CA10: variants seen among roughly 807,000 people sequenced by gnomAD.
CA10 encodes carbonic anhydrase 10 (inactive).
Under a neutral mutation model 44.2 loss-of-function variants are expected in CA10, and 14 were observed. The observed-to-expected ratio is 0.32, with a 90% CI of 0.21 to 0.50. The LOEUF (loss-of-function observed/expected upper bound fraction) is 0.50. Ranked by LOEUF, CA10 falls within the 20% of genes least tolerant of loss-of-function variation. The pLI, the probability that CA10 is intolerant of heterozygous loss-of-function variation, is 0.99. For missense variants in CA10, 350 were observed against 409.7 expected (o/e 0.85, Z 1.26); for synonymous variants, 159 against 141.6 (o/e 1.12, Z -0.87).
chr17:51,785,191 G>A (rs1906219281), intron 3 of CA10, among the ~76,000 whole-genome samples: 1 of 152,116 alleles, frequency 6.6e-6, no homozygotes, highest in African/African-American at 2.4e-5. Context: ...GGACACTTAG[G>A]TTGCTTCCAA....
At chr17:51,697,129 C>T (rs954949216) in intron 4 of CA10, among the ~76,000 whole-genome samples, 4 of 151,246 alleles carry the variant, frequency 2.6e-5, no homozygotes, top group African/African-American at 9.7e-5. Flanking sequence ...TGTACTAGTA[C>T]CATCACCTAT....
intron 1 of CA10, among the ~76,000 whole-genome samples, chr17:52,093,336 C>G (rs1239517314): frequency 6.6e-6 from 1 of 152,110 alleles, no homozygotes; most frequent in African/African-American, 2.4e-5. Flanking sequence ...AAAGTGCCCC[C>G]TATAAATGCA....
chr17:51,986,962 C>T (rs1460110784), intron 2 of CA10, among the ~76,000 whole-genome samples: 1 of 152,004 alleles, frequency 6.6e-6, no homozygotes, highest in Non-Finnish European at 1.5e-5. Context: ...CCTTAAAGAA[C>T]TAAAAATAGA....
chr17:51,701,855 T>G (rs1421018306), intron 4 of CA10, among the ~76,000 whole-genome samples: 1 of 152,114 alleles, frequency 6.6e-6, no homozygotes, highest in Non-Finnish European at 1.5e-5. Context: ...AGAGACAGAG[T>G]TCTGAGACAC....
At chr17:51,800,426 C>T (rs948586660) in intron 3 of CA10, among the ~76,000 whole-genome samples, 6 of 151,924 alleles carry the variant, frequency 3.9e-5, no homozygotes, top group Non-Finnish European at 5.9e-5. Context: ...GTGGTGGTTG[C>T]ACAACTCTGT....
Position 51,747,738 on chromosome 17 carries a change from C to T in CA10, c.360G>A (p.Gly120=). 1 of 1,614,110 alleles carries T rather than the reference C, an allele frequency of 6.2e-7. No homozygotes were observed. Among genetic ancestry groups the T allele is most frequent in the East Asian group, 2.2e-5 (1 of 44,874 alleles). The change falls in exon 4 of 9, where the codon GGG becomes GGA. Residue 120 remains glycine (G), a synonymous_variant. Transcript: ENST00000451037. ...CCAGCCGGTGGCTGTATGTCATGGG[C>T]CCTCCAGATATGTTGACCAAGTGCT... ...DKEHLVNISG[G]PMTYSHRLEE...
intron 3 of CA10, among the ~76,000 whole-genome samples, chr17:51,895,658 C>A (rs1483829193): frequency 6.6e-6 from 1 of 151,960 alleles, no homozygotes; most frequent in Non-Finnish European, 1.5e-5. Context: ...AAAAAATTAA[C>A]AATCTGGAAC....
At chr17:52,132,368 G>C (rs1391247536) in intron 1 of CA10, among the ~76,000 whole-genome samples, 1 of 152,012 alleles carries the variant, frequency 6.6e-6, no homozygotes, top group Non-Finnish European at 1.5e-5. Context: ...AGCACATGGG[G>C]GGCTAAGAAA....
chr17:52,133,601 G>A (rs535071493), intron 1 of CA10, among the ~76,000 whole-genome samples: 4 of 151,826 alleles, frequency 2.6e-5, no homozygotes, highest in Non-Finnish European at 4.4e-5. Flanking sequence ...CCATTTTTCC[G>A]ACTGCTCTAT....
At chr17:51,701,191 T>C (rs1381515658) in intron 4 of CA10, among the ~76,000 whole-genome samples, 1 of 152,158 alleles carries the variant, frequency 6.6e-6, no homozygotes, top group Non-Finnish European at 1.5e-5. Flanking sequence ...CCCAGGTTCT[T>C]GTGGTTGCTG....
chr17:51,897,693 T>A (rs1271821958), intron 3 of CA10, among the ~76,000 whole-genome samples: 1 of 152,162 alleles, frequency 6.6e-6, no homozygotes, highest in African/African-American at 2.4e-5. Flanking sequence ...CATCTATACA[T>A]GAGCATATAA....
intron 1 of CA10, among the ~76,000 whole-genome samples, chr17:52,154,516 C>G (rs757610210): frequency 3.3e-5 from 5 of 152,194 alleles, no homozygotes; most frequent in African/African-American, 1.2e-4. Context: ...TTTCTCTCCT[C>G]GTGCTGCTAA....
intron 2 of CA10, among the ~76,000 whole-genome samples, chr17:52,068,052 A>G (rs1253218562): frequency 6.6e-6 from 1 of 152,194 alleles, no homozygotes; most frequent in Non-Finnish European, 1.5e-5. Context: ...TTGAAATGTC[A>G]GAGACATGAG....
At chr17:51,865,602 T>C (rs1391467796) in intron 3 of CA10, among the ~76,000 whole-genome samples, 6 of 152,154 alleles carry the variant, frequency 3.9e-5, no homozygotes, top group Non-Finnish European at 8.8e-5. Context: ...CCAGACAATA[T>C]AATGTGTGTT....
chr17:51,854,102 G>A (rs976987598), intron 3 of CA10, among the ~76,000 whole-genome samples: 1 of 152,184 alleles, frequency 6.6e-6, no homozygotes. Flanking sequence ...GGCCACGGAT[G>A]AGAGGCACCT....
At chr17:51,849,949 T>C (rs1360430394) in intron 3 of CA10, among the ~76,000 whole-genome samples, 1 of 152,192 alleles carries the variant, frequency 6.6e-6, no homozygotes, top group East Asian at 1.9e-4. Flanking sequence ...AGGATTGGCT[T>C]CTTCAGGAAA....
intron 3 of CA10, among the ~76,000 whole-genome samples, chr17:51,854,438 G>T (rs550528271): frequency 2.1e-4 from 32 of 152,354 alleles, no homozygotes; most frequent in African/African-American, 7.5e-4. Flanking sequence ...TAAGTTAACA[G>T]CAGGCACTCA....
intron 4 of CA10, among the ~76,000 whole-genome samples, chr17:51,725,868 C>T (rs571454104): frequency 1.6e-4 from 24 of 152,154 alleles, no homozygotes; most frequent in East Asian, 1.5e-3. Context: ...GTGTTCTAAG[C>T]GAGACAGGAA....
chr17:52,098,897 G>A (rs910033255), intron 1 of CA10, among the ~76,000 whole-genome samples: 1 of 152,166 alleles, frequency 6.6e-6, no homozygotes, highest in African/African-American at 2.4e-5. Flanking sequence ...TAGTGCGTGA[G>A]CATTCGTACC....
Sources: allele counts gnomAD v4.1 joint callset (sites outside exome capture counted in the v4.1 genomes callset), GRCh38; gene constraint gnomAD v4.1.1; transcripts MANE v1.5; gene names NCBI Gene and HGNC (gene_info 2026-07-23, HGNC 2026-07-21).